SMIM35: variants seen among roughly 807,000 people sequenced by gnomAD.
SMIM35 encodes TMPRSS4 antisense RNA 1 (non-protein coding).
intron 1 of SMIM35, among the ~76,000 whole-genome samples, chr11:118,056,127 G>T (rs1944305623): frequency 6.6e-6 from 1 of 152,146 alleles, no homozygotes; most frequent in South Asian, 2.1e-4. Flanking sequence ...GGATGGGGCA[G>T]GTCATGGAGG....
Position 118,064,033 on chromosome 11 carries a change from T to C in SMIM35, c.7+22718A>G, listed in dbSNP as rs151302661. On this transcript the variant is annotated intron_variant, in intron 1 of 4. Transcript: ENST00000689828. ...AGATTTGTAACTGGTGGGAAGGGAG[T>C]TGCGGTCTTGTGGCACTGAGCCCTC... is the stretch of plus-strand genomic sequence containing the variant. 1.5e-3 allele frequency among the ~76,000 whole-genome samples: 227 copies of C among 152,088 alleles called. 1 individual carries two copies. Among genetic ancestry groups the C allele is most frequent in the African/African-American group, 5.3e-3 (220 of 41,482 alleles).
intron 1 of SMIM35, among the ~76,000 whole-genome samples, chr11:118,048,382 G>A (rs674576): frequency 0.16 from 24,174 of 151,922 alleles, 2,066 homozygotes; most frequent in African/African-American, 0.22. Context: ...ACCTGCTGGC[G>A]TGCTCCTGTA....
At chr11:118,059,149 G>A (rs1226609886) in intron 1 of SMIM35, 4 of 152,370 alleles carry the variant, frequency 2.6e-5, no homozygotes, top group African/African-American at 9.6e-5. Context: ...GCCAGAGTGT[G>A]TGATTGAGAA....
In SMIM35 at chr11:118,069,180, C is replaced by T. The variant is rs572114945; in HGVS notation, c.7+17571G>A. On this transcript the variant is annotated intron_variant, in intron 1 of 4. Transcript: ENST00000689828. The stretch of plus-strand genomic sequence containing the variant: ...CTGCCAAGTACAGGCTGTGAGGTAT[C>T]GGGCCACCCCCTCAGTTCCCTCATC... Among the ~76,000 whole-genome samples, 13 of 152,344 alleles carry T rather than the reference C, an allele frequency of 8.5e-5. No homozygotes were observed. The South Asian group carries it at 1.7e-3, about 19-fold the overall frequency.
At position 118,044,252 on chromosome 11, in the gene SMIM35, T is replaced by C. The variant is rs146963631; in HGVS notation, c.8-28443A>G. Among the ~76,000 whole-genome samples, 371 of 150,514 alleles carry C rather than the reference T, an allele frequency of 2.5e-3. 1 individual carries two copies. Among genetic ancestry groups the C allele is most frequent in the African/African-American group, 8.7e-3 (357 of 40,930 alleles). On this transcript the variant is annotated intron_variant, in intron 1 of 4. Transcript: ENST00000689828. ...GGTAAGAATCTACCCTAATTGTACTTATCTATCCATCTACTCATATTCCAG... is the reference window on the plus strand; with the variant it reads ...GGTAAGAATCTACCCTAATTGTACTCATCTATCCATCTACTCATATTCCAG...
chr11:118,070,462 C>G (rs983217596), intron 1 of SMIM35, among the ~76,000 whole-genome samples: 1 of 150,578 alleles, frequency 6.6e-6, no homozygotes, highest in Non-Finnish European at 1.5e-5. Context: ...CAGCCGTGAG[C>G]CACCGTGCCC....
chr11:118,068,903 C>T (rs1944528402), intron 1 of SMIM35, among the ~76,000 whole-genome samples: 1 of 152,186 alleles, frequency 6.6e-6, no homozygotes, highest in Non-Finnish European at 1.5e-5. Context: ...CCAGAGCCAC[C>T]AGCATTATCA....
chr11:118,049,385 G>C (rs59238367), intron 1 of SMIM35, among the ~76,000 whole-genome samples: 10 of 119,766 alleles, frequency 8.3e-5, no homozygotes, highest in Non-Finnish European at 1.6e-5. Context: ...GCCTTGCTCT[G>C]TCACCCAGGC....
intron 1 of SMIM35, among the ~76,000 whole-genome samples, chr11:118,043,050 G>C (rs1203489692): frequency 6.6e-6 from 1 of 152,184 alleles, no homozygotes; most frequent in African/African-American, 2.4e-5. Flanking sequence ...ATGCTAAATG[G>C]TAAAAGGCAG....
intron 1 of SMIM35, among the ~76,000 whole-genome samples, chr11:118,059,913 G>A (rs758562978): frequency 6.6e-6 from 1 of 152,214 alleles, no homozygotes; most frequent in Non-Finnish European, 1.5e-5. Flanking sequence ...CCGTGACAGG[G>A]AAGATAAGTA....
At chr11:118,080,650 G>A (rs1408763670) in intron 1 of SMIM35, among the ~76,000 whole-genome samples, 1 of 152,172 alleles carries the variant, frequency 6.6e-6, no homozygotes, top group Non-Finnish European at 1.5e-5. Context: ...GAGATCTGAG[G>A]AGCTGAATGT....
intron 1 of SMIM35, among the ~76,000 whole-genome samples, chr11:118,038,211 G>A (rs61900561): frequency 0.22 from 34,154 of 152,200 alleles, 4,591 homozygotes; most frequent in Non-Finnish European, 0.31. Flanking sequence ...GGCTTCGGGC[G>A]TGAACTGAAC....
chr11:118,059,598 A>G (rs929993871), intron 1 of SMIM35: 6 of 152,248 alleles, frequency 3.9e-5, no homozygotes, highest in Non-Finnish European at 5.9e-5. Context: ...AACACGCAAC[A>G]GGGGCTCTGG....
intron 1 of SMIM35, among the ~76,000 whole-genome samples, chr11:118,035,568 T>C (rs2058352910): frequency 6.6e-6 from 1 of 152,154 alleles, no homozygotes; most frequent in African/African-American, 2.4e-5. Flanking sequence ...AGGACCTGCG[T>C]GGGTGGGGCA....
intron 1 of SMIM35, among the ~76,000 whole-genome samples, chr11:118,035,655 C>T (rs1193215415): frequency 2.6e-5 from 4 of 152,066 alleles, no homozygotes; most frequent in Non-Finnish European, 5.9e-5. Context: ...GTGGAGGAGT[C>T]TCTGGGCCCC....
At chr11:118,029,179 GA>G (rs2058297976) in intron 1 of SMIM35, among the ~76,000 whole-genome samples, 1 of 152,082 alleles carries the variant, frequency 6.6e-6, no homozygotes, top group Admixed American at 6.5e-5. Context: ...TGTTACTCAA[GA>G]GGCCAGGGCA....
At chr11:118,077,247 G>A (rs1461656764) in intron 1 of SMIM35, 2 of 1,582,732 alleles carry the variant, frequency 1.3e-6, no homozygotes, top group African/African-American at 1.3e-5. Flanking sequence ...CTGCTGCCTT[G>A]GGGTGACAAT....
chr11:118,012,917 G>T (rs1015499962), intron 4 of SMIM35, among the ~76,000 whole-genome samples: 1 of 152,230 alleles, frequency 6.6e-6, no homozygotes, highest in African/African-American at 2.4e-5. Flanking sequence ...GAAGCTCCCT[G>T]CTGGTGTCTG....
intron 1 of SMIM35, among the ~76,000 whole-genome samples, chr11:118,070,992 A>T (rs1216370993): frequency 6.6e-6 from 1 of 152,220 alleles, no homozygotes; most frequent in African/African-American, 2.4e-5. Flanking sequence ...AAATGGAGGT[A>T]ATAGCAGCAC....
Sources: gnomAD v4.1 joint callset for allele counts (sites outside exome capture counted in the v4.1 genomes callset) on GRCh38, gnomAD v4.1.1 for gene constraint, MANE v1.5 for transcripts, NCBI Gene and HGNC (gene_info 2026-07-23, HGNC 2026-07-21) for gene names.